Variants in TSC22D2 observed in about 807,000 individuals in gnomAD.
The protein encoded by TSC22D2 is TSC22 domain family protein 2.
In TSC22D2, 5 loss-of-function variants were observed where a neutral mutation model predicts 50.1. The ratio of observed to expected loss-of-function variants is 0.10; its 90% CI spans 0.05 to 0.21. TSC22D2 has a LOEUF of 0.21. TSC22D2 is among the 10% of genes least tolerant of loss of function. The pLI is 1.00. For missense variants in TSC22D2, 1,003 were observed against 1,015.5 expected (o/e 0.99, Z 0.17); for synonymous variants, 501 against 450.1 (o/e 1.11, Z -1.43).
At chr3:150,434,896 CTTAAA>C (rs1176059587) in intron 1 of TSC22D2, among the ~76,000 whole-genome samples, 8 of 151,964 alleles carry the variant, frequency 5.3e-5, no homozygotes, top group African/African-American at 1.9e-4. Flanking sequence ...CTAATTGTGT[CTTAAA>C]TTATATCTTG....
At chr3:150,450,815 A>G (rs938273514) in intron 1 of TSC22D2, among the ~76,000 whole-genome samples, 6 of 152,060 alleles carry the variant, frequency 3.9e-5, no homozygotes, top group Non-Finnish European at 2.9e-5. Context: ...CATTTTCTTA[A>G]TTTTCTTTCT....
chr3:150,410,811 T>C lies in TSC22D2; in HGVS notation c.1461T>C (p.Gly487=), dbSNP rs1376703177. 1 of 1,613,174 alleles carries C rather than the reference T, an allele frequency of 6.2e-7. No homozygotes were observed. Residue 487 remains glycine (G), a synonymous_variant, in exon 1 of 3, where the codon GGT becomes GGC. Coordinates refer to ENST00000688009, the MANE Select transcript of TSC22D2 (RefSeq NM_001303264.2). The part of the protein sequence containing the change: ...QPQSVPPPQM[G]GSGPLSAVPG... ...AGTCCGTGCCTCCGCCGCAGATGGG[T>C]GGCAGTGGTCCGCTGTCAGCCGTAC...
In TSC22D2 at chr3:150,409,710, C is replaced by T. The variant is rs775110864; in HGVS notation, c.360C>T (p.Thr120=). 1.9e-6 allele frequency: 3 copies of T among 1,591,656 alleles called. No homozygotes were observed. Among genetic ancestry groups the T allele is most frequent in the South Asian group, 2.2e-5 (2 of 90,044 alleles). The part of the protein sequence containing the change: ...ARSVSGALAS[T]LAAAATSAPA... ...GCGTGTCTGGGGCGCTCGCCAGTACCCTGGCGGCGGCTGCCACTTCGGCCC... is the reference window on the plus strand; with the variant it reads ...GCGTGTCTGGGGCGCTCGCCAGTACTCTGGCGGCGGCTGCCACTTCGGCCC... Residue 120 remains threonine (T), a synonymous_variant, in exon 1 of 3, where the codon ACC becomes ACT. Coordinates refer to ENST00000688009, the MANE Select transcript of TSC22D2 (RefSeq NM_001303264.2). This position sits in a 1 kb window ranked among gnomAD's most constrained non-coding sequence, Gnocchi z 7.4.
intron 1 of TSC22D2, chr3:150,423,017 C>T: frequency 1.3e-6 from 2 of 1,572,396 alleles, no homozygotes; most frequent in Non-Finnish European, 8.7e-7. Context: ...ACGTTCTCAA[C>T]CTCATTTCCA....
chr3:150,459,439 G>A lies in TSC22D2; in HGVS notation c.*803G>A, dbSNP rs1464255601. On this transcript the variant is annotated 3_prime_UTR_variant, in exon 3 of 3. Transcript: ENST00000688009. ...TTGTTTCTACTTTCTAAGAGAAATT[G>A]CCACGATTCCTCTGCTTTTCAACAT... The A allele has an allele frequency of 6.6e-6, 1 of 152,438 alleles. No individual in the cohort carries two copies. Among genetic ancestry groups the A allele is most frequent in the Non-Finnish European group, 1.5e-5 (1 of 67,982 alleles). The allele number at this position is 152,438 out of a possible 1,614,324, so 9.4% of individuals were successfully genotyped here. A position where few individuals can be genotyped will look rare whatever the true frequency, so the allele number is the denominator to read the frequency against.
chr3:150,427,914 A>G (rs1720244484), intron 1 of TSC22D2, among the ~76,000 whole-genome samples: 1 of 152,062 alleles, frequency 6.6e-6, no homozygotes, highest in Non-Finnish European at 1.5e-5. Context: ...TCCTTTACCT[A>G]GCCTCCCTTA....
chr3:150,424,943 T>C (rs1051693652), intron 1 of TSC22D2, among the ~76,000 whole-genome samples: 1 of 152,238 alleles, frequency 6.6e-6, no homozygotes, highest in African/African-American at 2.4e-5. Context: ...GGAGCAATCA[T>C]GGCTAACTTT....
intron 2 of TSC22D2, 103 bp from the exon 3 acceptor site, chr3:150,458,273 G>A (rs1721257821): frequency 1.7e-6 from 2 of 1,205,964 alleles, no homozygotes; most frequent in Non-Finnish European, 2.3e-6. Context: ...AAAAGCAAGA[G>A]CAGGAAAACT....
At chr3:150,440,024 A>G (rs1194234353) in intron 1 of TSC22D2, among the ~76,000 whole-genome samples, 1 of 152,210 alleles carries the variant, frequency 6.6e-6, no homozygotes, top group Non-Finnish European at 1.5e-5. Context: ...TTGGCACATT[A>G]TCTCATTTAA....
chr3:150,442,542 T>C (rs1720750395), intron 1 of TSC22D2, among the ~76,000 whole-genome samples: 1 of 152,236 alleles, frequency 6.6e-6, no homozygotes. Flanking sequence ...CTATAAATTA[T>C]TACGGCAAGT....
chr3:150,458,072 C>T (rs1414095282), intron 2 of TSC22D2, among the ~76,000 whole-genome samples: 1 of 151,930 alleles, frequency 6.6e-6, no homozygotes, highest in Non-Finnish European at 1.5e-5. Flanking sequence ...CTTTATCTAC[C>T]ATTTTAAGCA....
At position 150,457,143 on chromosome 3, in the gene TSC22D2, C is replaced by T; in HGVS notation, c.2010+16C>T. On this transcript the variant is annotated intron_variant, in intron 2 of 2. Coordinates refer to ENST00000688009, the MANE Select transcript of TSC22D2 (RefSeq NM_001303264.2). ...ACAAGCAATGGTAAGTAAAAGTTTA[C>T]AGTTCTCCCATTTCATAGATTGTTG... is the stretch of plus-strand genomic sequence containing the variant. 6.2e-7 allele frequency: 1 copy of T among 1,607,110 alleles called. No individual in the cohort carries two copies. The highest frequency in any genetic ancestry group is 8.5e-7 in the Non-Finnish European group (1 of 1,176,906).
intron 1 of TSC22D2, among the ~76,000 whole-genome samples, chr3:150,441,873 C>T (rs1336701205): frequency 1.3e-5 from 2 of 152,142 alleles, no homozygotes; most frequent in Non-Finnish European, 2.9e-5. Context: ...TAGGAAGTCA[C>T]CTGTATGCTC....
chr3:150,435,947 G>A (rs1290371936), intron 1 of TSC22D2, among the ~76,000 whole-genome samples: 2 of 151,990 alleles, frequency 1.3e-5, no homozygotes, highest in Non-Finnish European at 2.9e-5. Flanking sequence ...TTCATTTTTA[G>A]GAAGAATTCT....
chr3:150,447,106 C>T (rs1203840891), intron 1 of TSC22D2, among the ~76,000 whole-genome samples: 2 of 152,094 alleles, frequency 1.3e-5, no homozygotes, highest in Non-Finnish European at 2.9e-5. Context: ...TTACTTTAGT[C>T]AGGCCTCACT....
chr3:150,410,977 A>G lies in TSC22D2; in HGVS notation c.1627A>G (p.Ser543Gly). ...TCTGGCCCAGTCGCAACAGCTGAGC[A>G]GCCATACGCCAGTCAGCAGGAGCAG... ...APLAQSQQLS[S>G]HTPVSRSSSI... Residue 543 changes from serine to glycine, a missense_variant, in exon 1 of 3, where the codon AGC (serine) becomes GGC (glycine). Physicochemically the swap from Ser to Gly is moderately conservative, Grantham distance 56 (BLOSUM62 0). Coordinates refer to ENST00000688009, the MANE Select transcript of TSC22D2 (RefSeq NM_001303264.2). 1 of 1,614,220 alleles carries G rather than the reference A, an allele frequency of 6.2e-7. No homozygotes were observed. The highest frequency in any genetic ancestry group is 8.5e-7 in the Non-Finnish European group (1 of 1,180,048).
Position 150,418,903 on chromosome 3 carries a change from G to A in TSC22D2, c.1958+7595G>A, listed in dbSNP as rs145520022. Among the ~76,000 whole-genome samples, 1,160 of 151,988 alleles carry A rather than the reference G, an allele frequency of 7.6e-3. 7 individuals carry two copies. The highest frequency in any genetic ancestry group is 0.014 in the Middle Eastern group (4 of 294). The stretch of plus-strand genomic sequence containing the variant: ...TGTGTTAAGGGAATACCTTCAGAGC[G>A]CTGAGTCCCAAAAATCAGAATTCTT... On this transcript the variant is annotated intron_variant, in intron 1 of 2. Coordinates refer to ENST00000688009, the MANE Select transcript of TSC22D2 (RefSeq NM_001303264.2).
At chr3:150,435,118 C>T (rs555701966) in intron 1 of TSC22D2, among the ~76,000 whole-genome samples, 69 of 152,160 alleles carry the variant, frequency 4.5e-4, no homozygotes, top group African/African-American at 1.5e-3. Context: ...GCTGGGATTA[C>T]GGGCGCCCAC....
chr3:150,441,114 A>C (rs948601192), intron 1 of TSC22D2, among the ~76,000 whole-genome samples: 1 of 151,128 alleles, frequency 6.6e-6, no homozygotes, highest in Non-Finnish European at 1.5e-5. Flanking sequence ...CTGTAGTAGT[A>C]GTATGTTTGC....
Sources: allele counts gnomAD v4.1 joint callset (sites outside exome capture counted in the v4.1 genomes callset), GRCh38; gene constraint gnomAD v4.1.1; non-coding constraint Gnocchi (gnomAD v3.1); transcripts MANE v1.5; gene names NCBI Gene and HGNC (gene_info 2026-07-23, HGNC 2026-07-21).